VTI1A: variants seen among roughly 807,000 people sequenced by gnomAD.
VTI1A encodes vesicle transport through interaction with t-SNAREs homolog 1A.
VTI1A carries 22 observed loss-of-function variants against 34.9 expected under a neutral mutation model. The ratio of observed to expected loss-of-function variants is 0.63; its 90% confidence interval spans 0.45 to 0.90. The LOEUF (loss-of-function observed/expected upper bound fraction) is 0.90. Ranked by LOEUF, VTI1A falls within the 40% of genes least tolerant of loss-of-function variation. The probability of loss-of-function intolerance (pLI) is 0.00; values close to 1 mark genes in which losing one functional copy is unlikely to be tolerated. For synonymous variants in VTI1A, 87 were observed against 97.3 expected, an observed-to-expected ratio of 0.89 and a Z score of 0.62; for missense variants, 268 against 275.6, an observed-to-expected ratio of 0.97 and a Z score of 0.20.
chr10:112,616,452 T>G (rs945768847), intron 5 of VTI1A, among the ~76,000 whole-genome samples: 3 of 152,078 alleles, frequency 2.0e-5, no homozygotes, highest in African/African-American at 7.2e-5. Context: ...AATAAACAAA[T>G]TTTCTTCTGG....
intron 5 of VTI1A, among the ~76,000 whole-genome samples, chr10:112,613,807 G>A (rs921414982): frequency 1.3e-5 from 2 of 152,176 alleles, no homozygotes; most frequent in African/African-American, 4.8e-5. Flanking sequence ...CCCTGCTGCC[G>A]TGCACCATTT....
At chr10:112,852,042 C>CT in the VTI1A span, among the ~76,000 whole-genome samples, 2 of 152,088 alleles carry the variant, frequency 1.3e-5, no homozygotes, top group Middle Eastern at 3.4e-3. Context: ...ATCATGTTTC[C>CT]TTTTTTGCCT....
chr10:112,662,019 GCCTTGGCCTCC>G (rs1847480503), intron 5 of VTI1A, among the ~76,000 whole-genome samples: 1 of 151,958 alleles, frequency 6.6e-6, no homozygotes, highest in Admixed American at 6.5e-5. Context: ...TGATCCACCT[GCCTTGGCCTCC>G]CAAACTGCTG....
At chr10:112,780,797 G>A (rs1005933881) in intron 7 of VTI1A, among the ~76,000 whole-genome samples, 3 of 151,800 alleles carry the variant, frequency 2.0e-5, no homozygotes, top group African/African-American at 7.3e-5. Context: ...TCTTCAGCTC[G>A]CCTCCCTCCC....
chr10:112,786,204 A>T (rs1238112178), intron 7 of VTI1A, among the ~76,000 whole-genome samples: 1 of 152,094 alleles, frequency 6.6e-6, no homozygotes, highest in African/African-American at 2.4e-5. Flanking sequence ...TTCTTTTTTG[A>T]TGCTATTGTG....
chr10:112,621,418 G>A (rs1845730389), intron 5 of VTI1A, among the ~76,000 whole-genome samples: 2 of 152,114 alleles, frequency 1.3e-5, no homozygotes, highest in South Asian at 4.1e-4. Flanking sequence ...TTGGACTTAG[G>A]TACACTTCAT....
At chr10:112,689,275 A>G (rs1848532941) in intron 7 of VTI1A, among the ~76,000 whole-genome samples, 1 of 152,194 alleles carries the variant, frequency 6.6e-6, no homozygotes, top group Admixed American at 6.5e-5. Context: ...TTAAGGCTCC[A>G]TGCATTGTCT....
intron 7 of VTI1A, among the ~76,000 whole-genome samples, chr10:112,781,271 C>T (rs1852118102): frequency 6.6e-6 from 1 of 152,082 alleles, no homozygotes; most frequent in South Asian, 2.1e-4. Context: ...ATCATTACCA[C>T]CTTTGGGACA....
intron 3 of VTI1A, among the ~76,000 whole-genome samples, chr10:112,492,320 ACAT>A (rs1342833093): frequency 1.3e-5 from 2 of 152,196 alleles, no homozygotes; most frequent in Non-Finnish European, 2.9e-5. Flanking sequence ...ACAACAAGAA[ACAT>A]CATATAAGGT....
At chr10:112,703,287 G>A (rs1009103429) in intron 7 of VTI1A, among the ~76,000 whole-genome samples, 5 of 152,054 alleles carry the variant, frequency 3.3e-5, no homozygotes, top group African/African-American at 1.2e-4. Flanking sequence ...ATATTTCTGG[G>A]CCAGGCGCAG....
At chr10:112,805,889 T>G (rs1853056242) in intron 7 of VTI1A, among the ~76,000 whole-genome samples, 3 of 152,140 alleles carry the variant, frequency 2.0e-5, no homozygotes, top group Admixed American at 2.0e-4. Flanking sequence ...ACAATAACTT[T>G]CTGTTGTTGA....
rs150624568 is a variant in VTI1A at position 112,450,395 on chromosome 10, T to A, written c.94+2928T>A. 3 of 152,294 alleles carry A rather than the reference T, an allele frequency of 2.0e-5. No individual in the cohort carries two copies. The East Asian group carries it at 5.8e-4, about 29-fold the overall frequency. The allele number at this position is 152,294 out of a possible 1,614,324, so 9.4% of individuals were successfully genotyped here. On this transcript the variant is annotated intron_variant, in intron 1 of 7. Coordinates refer to ENST00000393077, the MANE Select transcript of VTI1A (RefSeq NM_145206.4). ...ATAGTTTGATGACAAGTAATTATAA[T>A]CTCTCTCTCTGGCCATCATTGGCGA...
intron 5 of VTI1A, among the ~76,000 whole-genome samples, chr10:112,567,579 T>G (rs1184469937): frequency 6.6e-6 from 1 of 152,226 alleles, no homozygotes; most frequent in Non-Finnish European, 1.5e-5. Context: ...TTAAGCCTTT[T>G]TCTCATAGTA....
chr10:112,681,621 A>G (rs1378742556), intron 7 of VTI1A, among the ~76,000 whole-genome samples: 2 of 152,254 alleles, frequency 1.3e-5, no homozygotes, highest in African/African-American at 2.4e-5. Flanking sequence ...ATCTAATTGT[A>G]AACAATTATG....
intron 5 of VTI1A, among the ~76,000 whole-genome samples, chr10:112,667,672 C>G (rs1325078108): frequency 6.6e-6 from 1 of 152,140 alleles, no homozygotes; most frequent in Non-Finnish European, 1.5e-5. Flanking sequence ...ACTGGTAACA[C>G]GTTAAATGAG....
At chr10:112,617,596 T>G (rs1243106583) in intron 5 of VTI1A, among the ~76,000 whole-genome samples, 1 of 152,094 alleles carries the variant, frequency 6.6e-6, no homozygotes, top group Non-Finnish European at 1.5e-5. Flanking sequence ...TATTGGAAGT[T>G]AGGAGGTGAG....
intron 7 of VTI1A, among the ~76,000 whole-genome samples, chr10:112,766,663 A>G (rs903319375): frequency 3.3e-5 from 5 of 152,252 alleles, no homozygotes; most frequent in Non-Finnish European, 7.3e-5. Context: ...CCAAAGAACT[A>G]AAATCTCCCA....
intron 3 of VTI1A, among the ~76,000 whole-genome samples, chr10:112,478,624 C>G (rs1356674368): frequency 6.6e-6 from 1 of 152,066 alleles, no homozygotes; most frequent in Non-Finnish European, 1.5e-5. Context: ...CTTTTGTATT[C>G]TAGCACATTT....
chr10:112,519,438 C>T lies in VTI1A; in HGVS notation c.265-7649C>T, dbSNP rs145232063. On this transcript the variant is annotated intron_variant, in intron 3 of 7. Transcript: ENST00000393077. ...AAAACAGTTTACCTTAAGCATTTAT[C>T]ACCCTCGATCTTGATTGGTGTCCAA... Among the ~76,000 whole-genome samples the T allele has an allele frequency of 3.0e-3, 451 of 152,270 alleles. 2 individuals carry two copies. The highest frequency in any genetic ancestry group is 0.01 in the African/African-American group (427 of 41,578).
Sources: gnomAD v4.1 joint callset for allele counts (sites outside exome capture counted in the v4.1 genomes callset) on GRCh38, gnomAD v4.1.1 for gene constraint, MANE v1.5 for transcripts, NCBI Gene and HGNC (gene_info 2026-07-23, HGNC 2026-07-21) for gene names.